PC: variants seen among roughly 807,000 people sequenced by gnomAD.
PC encodes pyruvate carboxylase.
A neutral mutation model predicts 107.8 loss-of-function variants in PC; 46 were observed. The observed-to-expected ratio is 0.43, with a 90% CI of 0.34 to 0.55. PC has a LOEUF of 0.55. Ranked by LOEUF, PC falls within the 20% of genes least tolerant of loss-of-function variation. PC has a pLI of 0.04. For synonymous variants in PC, 662 were observed against 684.7 expected (o/e 0.97, Z 0.52); for missense variants, 1,241 against 1,643.1 (o/e 0.76, Z 4.23).
Position 66,851,898 on chromosome 11 carries a change from C to T in PC, c.1874G>A (p.Arg625Gln), listed in dbSNP as rs199568784. The T allele has an allele frequency of 4.6e-5, 74 of 1,614,106 alleles. 1 individual carries two copies. Among genetic ancestry groups the T allele is most frequent in the South Asian group, 2.2e-4 (20 of 91,086 alleles). The stretch of plus-strand genomic sequence containing the variant: ...GAGCTCCCGGAGCTCCTGCAGCCGC[C>T]GCCAGGGGCACTCATACAGGAAGCG... ...AMRFLYECPW[R>Q]RLQELRELIP... Residue 625 changes from arginine (R) to glutamine (Q), a missense_variant, in exon 16 of 23, where the codon CGG becomes CAG. By Grantham distance (43) the Arg-to-Gln change is conservative (BLOSUM62 1). Around this residue, in one of 2 missense-constraint regions of PC, gnomAD observed 1,143 missense variants for 1,551.9 expected, o/e 0.74. Coordinates refer to ENST00000393960, the MANE Select transcript of PC (RefSeq NM_001040716.2).
intron 3 of PC, among the ~76,000 whole-genome samples, chr11:66,937,895 G>T (rs1292809891): frequency 6.6e-6 from 1 of 151,534 alleles, no homozygotes; most frequent in Non-Finnish European, 1.5e-5. Context: ...TCCTGCCTCA[G>T]CCTCCTGAGT....
At chr11:66,913,112 G>T (rs1303348212) in intron 3 of PC, among the ~76,000 whole-genome samples, 1 of 152,138 alleles carries the variant, frequency 6.6e-6, no homozygotes, top group Non-Finnish European at 1.5e-5. Flanking sequence ...AACGGCAGCA[G>T]CAGTAGTAAA....
intron 3 of PC, among the ~76,000 whole-genome samples, chr11:66,878,493 C>T (rs1425665200): frequency 2.0e-5 from 3 of 152,366 alleles, no homozygotes; most frequent in South Asian, 4.1e-4. Flanking sequence ...CAAGTGTCTG[C>T]TTAGCTCAGG....
Position 66,852,428 on chromosome 11 carries a change from T to C in PC, c.1825+11A>G. 6.2e-7 allele frequency: 1 copy of C among 1,610,134 alleles called. No homozygotes were observed. The highest frequency in any genetic ancestry group is 8.5e-7 in the Non-Finnish European group (1 of 1,176,646). Reference sequence around the variant, plus strand: ...CATTCCTACCAGGCGCTGCGCAGCATGCCAGCCTACCTCCCCAGTTCTCCA... The same window carrying C: ...CATTCCTACCAGGCGCTGCGCAGCACGCCAGCCTACCTCCCCAGTTCTCCA... On this transcript the variant is annotated intron_variant, in intron 15 of 22. Transcript: ENST00000393960. The surrounding 1 kb of genome is among the most constrained non-coding windows in gnomAD (Gnocchi z 4.7).
intron 9 of PC, among the ~76,000 whole-genome samples, chr11:66,869,305 C>T (rs1405856228): frequency 6.6e-6 from 1 of 151,862 alleles, no homozygotes; most frequent in Non-Finnish European, 1.5e-5. Context: ...GCTGTGTCAT[C>T]CACCCAGACA....
intron 3 of PC, among the ~76,000 whole-genome samples, chr11:66,905,626 A>C (rs1948139728): frequency 6.6e-6 from 1 of 152,202 alleles, no homozygotes; most frequent in African/African-American, 2.4e-5. Flanking sequence ...CCTTGACATC[A>C]AATAAGGTCT....
intron 12 of PC, among the ~76,000 whole-genome samples, chr11:66,855,970 C>T (rs1945785798): frequency 6.6e-6 from 1 of 152,204 alleles, no homozygotes. Flanking sequence ...GGAGGGAGAA[C>T]GAGGATGGCT....
rs376345406 is a variant in PC at position 66,858,232 on chromosome 11, C to T, written c.1369-4849G>A. 682 of 1,612,408 alleles carry T rather than the reference C, an allele frequency of 4.2e-4. 14 individuals are homozygous for T. In the South Asian group the frequency reaches 7.2e-3, roughly 17 times the overall value. On this transcript the variant is annotated intron_variant, in intron 12 of 22. Coordinates refer to ENST00000393960, the MANE Select transcript of PC (RefSeq NM_001040716.2). This position sits in a 1 kb window ranked among gnomAD's most constrained non-coding sequence, Gnocchi z 5.9. ...AACAACCTCCGGCAGGTGCCCTGGGCCGGCATCGGCGCCATGCCTGCCCTG... is the reference window on the plus strand; with the variant it reads ...AACAACCTCCGGCAGGTGCCCTGGGTCGGCATCGGCGCCATGCCTGCCCTG...
Position 66,866,639 on chromosome 11 carries a change from C to G in PC, c.1023-290G>C, listed in dbSNP as rs1447130323. Among the ~76,000 whole-genome samples, 1 of 152,196 alleles carries G rather than the reference C, an allele frequency of 6.6e-6. No homozygotes were observed. Among genetic ancestry groups the G allele is most frequent in the Non-Finnish European group, 1.5e-5 (1 of 68,032 alleles). On this transcript the variant is annotated intron_variant, in intron 10 of 22. Coordinates refer to ENST00000393960, the MANE Select transcript of PC (RefSeq NM_001040716.2). The surrounding 1 kb of genome is among the most constrained non-coding windows in gnomAD (Gnocchi z 5.4). Reference sequence around the variant, plus strand: ...CATTCCTGACTCACGGTGCCGTCCACACAGCCCTAAGCTGCTCCTCCCTGT... The same window carrying G: ...CATTCCTGACTCACGGTGCCGTCCAGACAGCCCTAAGCTGCTCCTCCCTGT...
chr11:66,938,253 G>A (rs1476939388), intron 3 of PC, among the ~76,000 whole-genome samples: 2 of 152,082 alleles, frequency 1.3e-5, no homozygotes, highest in Non-Finnish European at 2.9e-5. Context: ...CTGAATAAAT[G>A]TGTCTTAGAT....
rs189477136 is a variant in PC, at chr11:66,897,563, C to T, written c.1-25404G>A. Among the ~76,000 whole-genome samples, 3 of 152,252 alleles carry T rather than the reference C, an allele frequency of 2.0e-5. No homozygotes were observed. In the East Asian group the frequency reaches 5.8e-4, roughly 29 times the overall value. ...CTCCAGCCTGGGCGACAGAGAGAGA[C>T]CTGCCTACAAAAAATAAATAAACAA... On this transcript the variant is annotated intron_variant, in intron 3 of 22. Transcript: ENST00000393960.
At chr11:66,949,224 C>A (rs987589191) in intron 3 of PC, among the ~76,000 whole-genome samples, 1 of 151,284 alleles carries the variant, frequency 6.6e-6, no homozygotes, top group South Asian at 2.1e-4. Flanking sequence ...AATCTCTTGA[C>A]CTCGTGATCT....
chr11:66,883,293 C>T (rs1387986874), intron 3 of PC, among the ~76,000 whole-genome samples: 1 of 152,176 alleles, frequency 6.6e-6, no homozygotes, highest in African/African-American at 2.4e-5. Flanking sequence ...GCTGCTCCAT[C>T]CCAGCCTCAC....
intron 12 of PC, 93 bp from the exon 13 acceptor site, chr11:66,853,476 C>T (rs1945630481): frequency 2.0e-6 from 3 of 1,467,426 alleles, no homozygotes; most frequent in African/African-American, 2.8e-5. Context: ...GCTGAAGATG[C>T]TGCCCTGGGC....
At chr11:66,859,910 C>A (rs1036400466) in intron 12 of PC, 64 of 1,580,804 alleles carry the variant, frequency 4.0e-5, no homozygotes, top group Middle Eastern at 1.9e-4. Flanking sequence ...TGGTTCGGGG[C>A]CGGGGGGCCG....
intron 3 of PC, among the ~76,000 whole-genome samples, chr11:66,905,944 A>G (rs1240410555): frequency 6.6e-6 from 1 of 152,096 alleles, no homozygotes; most frequent in Non-Finnish European, 1.5e-5. Flanking sequence ...TGTGAGGAGG[A>G]GAAACTGAGG....
rs2135798894 is a variant in PC at position 66,850,714 on chromosome 11, C to A, written c.2433G>T (p.Gly811=). Residue 811 remains glycine, a synonymous_variant, in exon 18 of 23, where the codon GGG becomes GGT. Coordinates refer to ENST00000393960, the MANE Select transcript of PC (RefSeq NM_001040716.2). ...MSGMTSQPSM[G]ALVACTRGTP... is the part of the protein sequence containing the mutation. Reference sequence around the variant, plus strand: ...TCCCTCTGGTACAGGCCACCAGGGCCCCCATGCTGGGCTGTGAAGTCATCC... The same window carrying A: ...TCCCTCTGGTACAGGCCACCAGGGCACCCATGCTGGGCTGTGAAGTCATCC... The A allele has an allele frequency of 6.2e-7, 1 of 1,611,396 alleles. No homozygotes were observed. The highest frequency in any genetic ancestry group is 1.1e-5 in the South Asian group (1 of 91,076).
At position 66,872,010 on chromosome 11, in the gene PC, C is replaced by G. The variant is rs1475639059; in HGVS notation, c.136+14G>C. 1 of 1,557,636 alleles carries G rather than the reference C, an allele frequency of 6.4e-7. No homozygotes were observed. Among genetic ancestry groups the G allele is most frequent in the East Asian group, 2.4e-5 (1 of 41,572 alleles). On this transcript the variant is annotated intron_variant, in intron 4 of 22. Transcript: ENST00000393960. ...GGCCATGAGGCTCCTCTCACCGGCC[C>G]CACTGGTGCTCACCTCTGTTGGCCA...
In PC at chr11:66,848,929, T is replaced by G. The variant is rs1555013641; in HGVS notation, c.3507A>C (p.Glu1169Asp). 7 of 1,613,954 alleles carry G rather than the reference T, an allele frequency of 4.3e-6. No individual in the cohort carries two copies. Among genetic ancestry groups the G allele is most frequent in the Non-Finnish European group, 5.9e-6 (7 of 1,180,012 alleles). ...CGATCTCCAGGATGAGGTCGTCACC[T>G]TCCAGTGTCATGTCCTTGGTCACAT... ...KVHVTKDMTL[E>D]GDDLILEIE Residue 1169 changes from glutamate to aspartate, a missense_variant, in exon 23 of 23, where the codon GAA becomes GAC. By Grantham distance (45) the Glu-to-Asp change is conservative (BLOSUM62 2). This residue lies in a region of PC where 98 missense variants were observed against 91.2 expected (regional missense o/e 1.07). Transcript: ENST00000393960.
Sources: allele counts gnomAD v4.1 joint callset (sites outside exome capture counted in the v4.1 genomes callset), GRCh38; gene constraint gnomAD v4.1.1; regional missense constraint gnomAD v4.1.1; non-coding constraint Gnocchi (gnomAD v3.1); transcripts MANE v1.5; gene names NCBI Gene and HGNC (gene_info 2026-07-23, HGNC 2026-07-21).